The following FOXP1 variants were observed in gnomAD, a reference collection of about 807,000 sequenced individuals.
FOXP1 encodes forkhead box protein P1.
In FOXP1, 15 loss-of-function variants were observed where a neutral mutation model predicts 98.2. That is an observed-to-expected ratio of 0.15 (90% CI 0.10 to 0.24). The LOEUF (loss-of-function observed/expected upper bound fraction) is 0.24. FOXP1 is among the 10% of genes least tolerant of loss of function. The pLI is 1.00. For missense variants in FOXP1, 633 were observed against 848.5 expected, an observed-to-expected ratio of 0.75 and a Z score of 3.15; for synonymous variants, 371 against 314.5, an observed-to-expected ratio of 1.18 and a Z score of -1.90.
intron 5 of FOXP1, among the ~76,000 whole-genome samples, chr3:71,224,367 G>A (rs562963153): frequency 3.7e-4 from 56 of 152,254 alleles, no homozygotes; most frequent in Non-Finnish European, 7.1e-4. Context: ...TGGGGGTTGC[G>A]AGAGCCACTG....
At chr3:71,446,059 GAGTGAGTGAGT>G (rs1159393128) in intron 3 of FOXP1, among the ~76,000 whole-genome samples, 5 of 151,776 alleles carry the variant, frequency 3.3e-5, no homozygotes, top group African/African-American at 1.2e-4. Context: ...GTGAGTGAGT[GAGTGAGTGAGT>G]GAGTGAGTGA....
intron 2 of FOXP1, among the ~76,000 whole-genome samples, chr3:71,502,545 A>G (rs1025772564): frequency 2.6e-5 from 4 of 152,236 alleles, no homozygotes; most frequent in African/African-American, 9.6e-5. Context: ...TCAAGGTGGT[A>G]AACAAATTAT....
chr3:71,320,743 G>A lies in FOXP1; in HGVS notation c.-72-20863C>T, dbSNP rs78789447. ...ATGAATTTCAGTAAACAACGTTAAC[G>A]GCAACAATTTTTCCTTCTTTGGTTC... On this transcript the variant is annotated intron_variant, in intron 4 of 20. Transcript: ENST00000649528. Among the ~76,000 whole-genome samples the A allele has an allele frequency of 2.8e-3, 429 of 152,188 alleles. 1 individual carries two copies. The highest frequency in any genetic ancestry group is 0.011 in the South Asian group (54 of 4,822).
At chr3:71,334,368 A>G (rs531170626) in intron 4 of FOXP1, 3 of 152,306 alleles carry the variant, frequency 2.0e-5, no homozygotes, top group East Asian at 3.9e-4. Context: ...AGATCATGCT[A>G]CTGTACTCCA....
At chr3:71,207,716 G>C (rs2064153810) in intron 5 of FOXP1, among the ~76,000 whole-genome samples, 1 of 129,108 alleles carries the variant, frequency 7.7e-6, no homozygotes, top group African/African-American at 2.9e-5. Flanking sequence ...GGCAAATTCA[G>C]AAACAGCAAC....
chr3:71,414,647 C>T (rs916414436), intron 3 of FOXP1, among the ~76,000 whole-genome samples: 17 of 152,206 alleles, frequency 1.1e-4, no homozygotes, highest in Admixed American at 8.5e-4. Flanking sequence ...TGCCCCAGCC[C>T]GCAGAGGGGG....
chr3:70,970,868 GTTTTGTTTTAA>G (rs2036079613), intron 18 of FOXP1, 63 bp from the exon 19 acceptor site: 14 of 1,333,812 alleles, frequency 1.0e-5, no homozygotes, highest in Non-Finnish European at 1.5e-5. Flanking sequence ...TCCTAGCTAA[GTTTTGTTTTAA>G]GCTTGCTGGT....
chr3:71,291,788 C>A lies in FOXP1; in HGVS notation c.-12+8032G>T, dbSNP rs967689219. On this transcript the variant is annotated intron_variant, in intron 5 of 20. Transcript: ENST00000649528. The stretch of plus-strand genomic sequence containing the variant: ...GTGGTGTGATCTTGGCTCACTGCAA[C>A]CTCTGCCTCCCGGGTTCAAGTGATT... Among the ~76,000 whole-genome samples, 4 of 145,540 alleles carry A rather than the reference C, an allele frequency of 2.7e-5. No individual in the cohort carries two copies. The East Asian group carries it at 8.0e-4, about 29-fold the overall frequency.
chr3:71,180,798 T>C (rs2062243897), intron 6 of FOXP1, among the ~76,000 whole-genome samples: 2 of 152,102 alleles, frequency 1.3e-5, no homozygotes, highest in Admixed American at 1.3e-4. Flanking sequence ...GCCCCAAAGA[T>C]TTTATCTGAA....
At chr3:71,403,180 C>A (rs1173914499) in intron 3 of FOXP1, among the ~76,000 whole-genome samples, 1 of 152,214 alleles carries the variant, frequency 6.6e-6, no homozygotes, top group Non-Finnish European at 1.5e-5. Context: ...TTCTCCAAGT[C>A]ACAAAATCCT....
intron 4 of FOXP1, among the ~76,000 whole-genome samples, chr3:71,338,421 C>T (rs891726668): frequency 2.6e-5 from 4 of 152,072 alleles, no homozygotes; most frequent in South Asian, 4.1e-4. Context: ...CTTTCCAACC[C>T]GAGTCTTTAA....
At chr3:71,557,701 G>C (rs1422284624) in intron 2 of FOXP1, among the ~76,000 whole-genome samples, 3 of 152,206 alleles carry the variant, frequency 2.0e-5, no homozygotes. Flanking sequence ...AACGATGAAA[G>C]GGAAGAATGA....
At chr3:71,043,479 C>T (rs1462213572) in intron 10 of FOXP1, among the ~76,000 whole-genome samples, 5 of 152,076 alleles carry the variant, frequency 3.3e-5, no homozygotes, top group Admixed American at 2.0e-4. Flanking sequence ...CTAGCAGGCC[C>T]GCTACTGTTG....
intron 13 of FOXP1, among the ~76,000 whole-genome samples, chr3:70,990,453 C>T (rs1255748238): frequency 6.6e-6 from 1 of 150,652 alleles, no homozygotes; most frequent in African/African-American, 2.5e-5. Context: ...GCCATCATCC[C>T]ATGAGCTCAC....
chr3:71,124,970 C>T (rs1161879725), intron 6 of FOXP1, among the ~76,000 whole-genome samples: 1 of 152,198 alleles, frequency 6.6e-6, no homozygotes, highest in African/African-American at 2.4e-5. Context: ...GTACAAAAAG[C>T]AAACTGAGGA....
At chr3:71,345,389 AATAT>A (rs570301889) in intron 4 of FOXP1, among the ~76,000 whole-genome samples, 6 of 61,308 alleles carry the variant, frequency 9.8e-5, no homozygotes, top group East Asian at 7.6e-4. Context: ...ATCTGTCTCA[AATAT>A]ATATACACAC....
chr3:71,404,782 A>G (rs994108298), intron 3 of FOXP1, among the ~76,000 whole-genome samples: 9 of 152,168 alleles, frequency 5.9e-5, no homozygotes, highest in Admixed American at 6.5e-5. Flanking sequence ...CCCCACACAG[A>G]GAAGCCCCAT....
intron 9 of FOXP1, among the ~76,000 whole-genome samples, chr3:71,049,882 G>T (rs2049607063): frequency 6.6e-6 from 1 of 152,098 alleles, no homozygotes; most frequent in African/African-American, 2.4e-5. Flanking sequence ...GATCTCCTAA[G>T]CATTGTTACC....
At chr3:71,578,506 T>C (rs1038240365) in intron 2 of FOXP1, among the ~76,000 whole-genome samples, 3 of 152,196 alleles carry the variant, frequency 2.0e-5, no homozygotes, top group African/African-American at 7.2e-5. Context: ...ACATACTTTT[T>C]GAGATGTGGA....
Sources: allele counts gnomAD v4.1 joint callset (sites outside exome capture counted in the v4.1 genomes callset), GRCh38; gene constraint gnomAD v4.1.1; transcripts MANE v1.5; gene names NCBI Gene and HGNC (gene_info 2026-07-23, HGNC 2026-07-21).